The following SPATS2L variants were observed in gnomAD, a reference collection of about 807,000 sequenced individuals.
SPATS2L encodes the protein spermatogenesis associated serine rich 2 like.
Under a neutral mutation model 59.6 loss-of-function variants are expected in SPATS2L, and 30 were observed. The ratio of observed to expected loss-of-function variants is 0.50; its 90% CI spans 0.38 to 0.68. The LOEUF (loss-of-function observed/expected upper bound fraction) is 0.68. Ranked by LOEUF, SPATS2L falls within the 30% of genes least tolerant of loss-of-function variation. SPATS2L has a pLI of 0.00. For synonymous variants in SPATS2L, 252 were observed against 263.5 expected (o/e 0.96, Z 0.42); for missense variants, 615 against 700.0 (o/e 0.88, Z 1.37).
intron 2 of SPATS2L, among the ~76,000 whole-genome samples, chr2:200,341,064 G>T (rs959253607): frequency 6.6e-6 from 1 of 152,194 alleles, no homozygotes. Context: ...TACTCTGTAT[G>T]TGCACGTATG....
chr2:200,356,009 G>T (rs536100194), intron 2 of SPATS2L, among the ~76,000 whole-genome samples: 1 of 152,124 alleles, frequency 6.6e-6, no homozygotes, highest in African/African-American at 2.4e-5. Flanking sequence ...TCTATGTAAT[G>T]GTTGACTAAA....
At chr2:200,306,281 T>C, upstream of SPATS2L, 2 of 1,002,370 alleles carry the variant, frequency 2.0e-6, no homozygotes, top group Non-Finnish European at 2.4e-6. Flanking sequence ...GGAGCAAAGT[T>C]CATTTTCTCG....
rs374611316 is a variant in SPATS2L, at chr2:200,419,318, G to T, written c.267G>T (p.Glu89Asp). The T allele has an allele frequency of 4.8e-5, 77 of 1,607,406 alleles. No homozygotes were observed. Among genetic ancestry groups the T allele is most frequent in the Non-Finnish European group, 6.3e-5 (74 of 1,176,860 alleles). The change falls in exon 6 of 13, where the codon GAG (glutamate) becomes GAT (aspartate). Residue 89 changes from glutamate (E) to aspartate (D), a missense_variant. Physicochemically the swap from Glu to Asp is conservative, Grantham distance 45. Transcript: ENST00000409140. ...ACAAAGATGCTAAAGACAAGGTGGA[G>T]AGGCCTGAGGCAGGGCCCCTGCAGC... is the stretch of plus-strand genomic sequence containing the variant. ...QGNKDAKDKV[E>D]RPEAGPLQPQ...
rs568503612 is a variant in SPATS2L, at chr2:200,450,570, A to T, written c.789-9199A>T. Among the ~76,000 whole-genome samples the T allele has an allele frequency of 4.6e-5, 7 of 152,290 alleles. No individual in the cohort carries two copies. The East Asian group carries it at 1.4e-3, about 29-fold the overall frequency. On this transcript the variant is annotated intron_variant, in intron 8 of 12. Transcript: ENST00000409140. ...CATTCATCCACTTAATAGATAGATG[A>T]ATGTGTGTCAAGCCACTACTTTTCA...
chr2:200,370,731 G>C (rs542735005), intron 2 of SPATS2L, among the ~76,000 whole-genome samples: 1 of 152,288 alleles, frequency 6.6e-6, no homozygotes, highest in East Asian at 1.9e-4. Flanking sequence ...CTGCAACACA[G>C]AGAGTTTAAT....
chr2:200,312,121 AACTG>A (rs1277471282), intron 1 of SPATS2L, among the ~76,000 whole-genome samples: 2 of 152,198 alleles, frequency 1.3e-5, no homozygotes, highest in Non-Finnish European at 2.9e-5. Context: ...CCAAGTGCTG[AACTG>A]ACTATGACAC....
At chr2:200,468,780 A>G (rs1559161034) in intron 10 of SPATS2L, among the ~76,000 whole-genome samples, 1 of 152,226 alleles carries the variant, frequency 6.6e-6, no homozygotes, top group Non-Finnish European at 1.5e-5. Flanking sequence ...TCAGAAAGAA[A>G]TTCACAGCTG....
At chr2:200,404,721 T>C (rs2082636794) in intron 3 of SPATS2L, among the ~76,000 whole-genome samples, 1 of 152,216 alleles carries the variant, frequency 6.6e-6, no homozygotes, top group Admixed American at 6.5e-5. Flanking sequence ...CTTCTAGTTC[T>C]GGAGGTCAGA....
chr2:200,361,469 T>C (rs1434153944), intron 2 of SPATS2L, among the ~76,000 whole-genome samples: 1 of 152,182 alleles, frequency 6.6e-6, no homozygotes, highest in East Asian at 1.9e-4. Flanking sequence ...TAAAAAAATA[T>C]CTGCAGGGAA....
At chr2:200,360,369 C>T (rs1364811881) in intron 2 of SPATS2L, among the ~76,000 whole-genome samples, 3 of 152,210 alleles carry the variant, frequency 2.0e-5, no homozygotes, top group Admixed American at 1.3e-4. Context: ...TAGATCAGGG[C>T]CAGCATGGTT....
chr2:200,427,172 A>C (rs1032319308), intron 6 of SPATS2L, among the ~76,000 whole-genome samples: 1 of 152,198 alleles, frequency 6.6e-6, no homozygotes, highest in African/African-American at 2.4e-5. Context: ...ACTTACAAAG[A>C]TCAAAAGGCT....
chr2:200,387,173 A>G (rs556333661), intron 2 of SPATS2L, among the ~76,000 whole-genome samples: 2 of 152,370 alleles, frequency 1.3e-5, no homozygotes, highest in East Asian at 3.9e-4. Context: ...TTCGAGTGTT[A>G]TTTGCCAGCT....
At chr2:200,397,101 G>A (rs2082379001) in intron 3 of SPATS2L, among the ~76,000 whole-genome samples, 1 of 152,158 alleles carries the variant, frequency 6.6e-6, no homozygotes, top group Non-Finnish European at 1.5e-5. Flanking sequence ...GCTTTTTCCA[G>A]GCTACATGAT....
At chr2:200,473,080 GA>G in intron 12 of SPATS2L, 28 bp downstream of exon 12, 3 of 1,443,518 alleles carry the variant, frequency 2.1e-6, no homozygotes, top group Non-Finnish European at 1.9e-6. Flanking sequence ...CAGGGTGCCA[GA>G]GGAAAAAAAA....
intron 9 of SPATS2L, among the ~76,000 whole-genome samples, chr2:200,465,486 C>A (rs1561295): frequency 0.89 from 135,238 of 152,230 alleles, 61,003 homozygotes; most frequent in Non-Finnish European, 0.96. Flanking sequence ...CTTCAGCAAT[C>A]TGTTGTCTAC....
At chr2:200,310,938 G>A (rs774470790) in intron 1 of SPATS2L, among the ~76,000 whole-genome samples, 2 of 152,038 alleles carry the variant, frequency 1.3e-5, no homozygotes, top group Admixed American at 6.5e-5. Context: ...TGTTTGCATC[G>A]TTCCTCTAGA....
At chr2:200,438,943 C>G (rs374239334) in intron 6 of SPATS2L, among the ~76,000 whole-genome samples, 179 bp from the exon 7 acceptor site, 4 of 152,176 alleles carry the variant, frequency 2.6e-5, no homozygotes, top group Admixed American at 2.6e-4. Context: ...ATACAAGGCT[C>G]TTCTAGTACA....
intron 6 of SPATS2L, among the ~76,000 whole-genome samples, chr2:200,429,974 C>G (rs1450016477): frequency 6.6e-6 from 1 of 152,072 alleles, no homozygotes; most frequent in Admixed American, 6.6e-5. Context: ...CAGATCTCAC[C>G]TTAGGTTTAC....
chr2:200,373,270 C>CATAAA (rs2081489092), intron 2 of SPATS2L: 1 of 106,038 alleles, frequency 9.4e-6, no homozygotes, highest in Non-Finnish European at 1.9e-5. Context: ...ACTGCCTTAA[C>CATAAA]AAAAAAAAAA....
Sources: gnomAD v4.1 joint callset for allele counts (sites outside exome capture counted in the v4.1 genomes callset) on GRCh38, gnomAD v4.1.1 for gene constraint, MANE v1.5 for transcripts, NCBI Gene and HGNC (gene_info 2026-07-23, HGNC 2026-07-21) for gene names.